The following AAK1 variants were observed in gnomAD, a reference collection of about 807,000 sequenced individuals.
The protein encoded by AAK1 is AP2-associated protein kinase 1.
AAK1 carries 37 observed loss-of-function variants against 116.0 expected under a neutral mutation model. The observed-to-expected ratio is 0.32, with a 90% CI of 0.25 to 0.42. AAK1 has a LOEUF of 0.42. Ranked by LOEUF, AAK1 falls within the 10% of genes least tolerant of loss-of-function variation. The pLI, the probability that AAK1 is intolerant of heterozygous loss-of-function variation, is 1.00. For synonymous variants in AAK1, 458 were observed against 439.9 expected, an observed-to-expected ratio of 1.04 and a Z score of -0.51; for missense variants, 919 against 1,170.6, an observed-to-expected ratio of 0.79 and a Z score of 3.14.
intron 5 of AAK1, among the ~76,000 whole-genome samples, chr2:69,535,461 C>A (rs185211139): frequency 6.6e-5 from 10 of 152,264 alleles, no homozygotes; most frequent in Non-Finnish European, 1.2e-4. Flanking sequence ...GGTCTATCCT[C>A]TCACAGAGCT....
At chr2:69,506,075 A>G (rs1310147206) in intron 15 of AAK1, among the ~76,000 whole-genome samples, 1 of 152,180 alleles carries the variant, frequency 6.6e-6, no homozygotes, top group East Asian at 1.9e-4. Context: ...AGGAGAGCAA[A>G]TGAGAAGAGG....
intron 4 of AAK1, 69 bp downstream of exon 4, chr2:69,544,367 G>T: frequency 2.3e-6 from 3 of 1,278,042 alleles, no homozygotes; most frequent in South Asian, 2.5e-5. Flanking sequence ...TAAGTGAAAT[G>T]ACCACCCTAA....
At chr2:69,494,941 G>A (rs1256074191) in intron 17 of AAK1, among the ~76,000 whole-genome samples, 1 of 152,158 alleles carries the variant, frequency 6.6e-6, no homozygotes, top group Non-Finnish European at 1.5e-5. Context: ...TAGTGATGGT[G>A]GGCAGACTTG....
chr2:69,572,595 G>C (rs1672131431), intron 2 of AAK1, among the ~76,000 whole-genome samples: 1 of 147,504 alleles, frequency 6.8e-6, no homozygotes, highest in African/African-American at 2.5e-5. Flanking sequence ...CTCCAGCCTG[G>C]GCAACAAAAA....
At chr2:69,628,766 A>G (rs13021618) in intron 2 of AAK1, among the ~76,000 whole-genome samples, 2 of 152,324 alleles carry the variant, frequency 1.3e-5, no homozygotes, top group South Asian at 4.1e-4. Context: ...TTTTTCAAGG[A>G]AATTCTCATC....
At chr2:69,524,789 T>C (rs1311486199) in intron 10 of AAK1, among the ~76,000 whole-genome samples, 3 of 152,204 alleles carry the variant, frequency 2.0e-5, no homozygotes, top group African/African-American at 4.8e-5. Flanking sequence ...CCTGAGCCTA[T>C]TCCCATGCAA....
At chr2:69,615,824 A>C (rs530138021) in intron 2 of AAK1, among the ~76,000 whole-genome samples, 1 of 152,386 alleles carries the variant, frequency 6.6e-6, no homozygotes, top group African/African-American at 2.4e-5. Context: ...TGTTTTGTTC[A>C]TCATAATTTA....
Position 69,519,305 on chromosome 2 carries a change from T to C in AAK1, c.1211-65A>G, listed in dbSNP as rs1183067328. The C allele has an allele frequency of 1.3e-5, 19 of 1,466,846 alleles. No individual in the cohort carries two copies. The Admixed American group carries it at 2.1e-4, about 16-fold the overall frequency. 90.9% of individuals were successfully genotyped at this position (1,466,846 alleles called of 1,614,324 possible). A position where few individuals can be genotyped will look rare whatever the true frequency, so the allele number is the denominator to read the frequency against. On this transcript the variant is annotated intron_variant, in intron 11 of 21. Transcript: ENST00000409085. Reference sequence around the variant, plus strand: ...TTCCACACAAAAATGGCTTTCTGTCTTGCCAAAACAACTAATAGGGGGTGA... The same window carrying C: ...TTCCACACAAAAATGGCTTTCTGTCCTGCCAAAACAACTAATAGGGGGTGA...
chr2:69,475,275 G>T lies in AAK1; in HGVS notation c.*594C>A. 1 of 985,930 alleles carries T rather than the reference G, an allele frequency of 1.0e-6. No individual in the cohort carries two copies. The allele number at this position is 985,930 out of a possible 1,614,324, so 61.1% of individuals were successfully genotyped here. Reference sequence around the variant, plus strand: ...AAACAAGGTCAAAGTTGGTTGGCTAGAGCTGGGCTCAATTTCTCTTCTCAA... The same window carrying T: ...AAACAAGGTCAAAGTTGGTTGGCTATAGCTGGGCTCAATTTCTCTTCTCAA... On this transcript the variant is annotated 3_prime_UTR_variant, in exon 22 of 22. Coordinates refer to ENST00000409085, the MANE Select transcript of AAK1 (RefSeq NM_014911.5).
Position 69,574,377 on chromosome 2 carries a change from CAAAAAA to C in AAK1, c.164-17405_164-17400del, listed in dbSNP as rs58486434. On this transcript the variant is annotated intron_variant, in intron 2 of 21. Transcript: ENST00000409085. ...TAGGTGACAGAGTAAGACTCCCTCT[CAAAAAA>C]AAAAAAAAAAAAAAAAGAGAAGAGA... 8.0e-5 allele frequency among the ~76,000 whole-genome samples: 6 copies of C among 74,894 alleles called. No individual in the cohort carries two copies. In the East Asian group the frequency reaches 1.5e-3, roughly 18 times the overall value. 49.1% of individuals were successfully genotyped at this position (74,894 alleles called of 152,430 possible). A position where few individuals can be genotyped will look rare whatever the true frequency, so the allele number is the denominator to read the frequency against.
Position 69,576,412 on chromosome 2 carries a change from G to C in AAK1, c.164-19434C>G, listed in dbSNP as rs375457044. Among the ~76,000 whole-genome samples, 46 of 151,948 alleles carry C rather than the reference G, an allele frequency of 3.0e-4. No individual in the cohort carries two copies. The South Asian group carries it at 9.6e-3, about 32-fold the overall frequency. On this transcript the variant is annotated intron_variant, in intron 2 of 21. Transcript: ENST00000409085. ...TTATGTAGGTAAACTCGTGTCACGG[G>C]GGTTTGTTGTACAGATCATTTCATC...
At chr2:69,544,027 G>A (rs963796255) in intron 4 of AAK1, among the ~76,000 whole-genome samples, 61 of 152,104 alleles carry the variant, frequency 4.0e-4, no homozygotes, top group Admixed American at 2.7e-3. Flanking sequence ...CTTTTACCCC[G>A]TAACACATGA....
At position 69,643,227 on chromosome 2, in the gene AAK1, G is replaced by T; in HGVS notation, c.-187C>A. ...CTATAGGAATATGCGTGTCAATCGC[G>T]CAGCGGGTCCCCTCCTCCTCCAGAA... On this transcript the variant is annotated 5_prime_UTR_variant, in exon 2 of 22. Coordinates refer to ENST00000409085, the MANE Select transcript of AAK1 (RefSeq NM_014911.5). 2 of 1,408,462 alleles carry T rather than the reference G, an allele frequency of 1.4e-6. No homozygotes were observed. The highest frequency in any genetic ancestry group is 1.8e-6 in the Non-Finnish European group (2 of 1,088,694). 87.2% of individuals were successfully genotyped at this position (1,408,462 alleles called of 1,614,324 possible). A position where few individuals can be genotyped will look rare whatever the true frequency, so the allele number is the denominator to read the frequency against.
At chr2:69,595,145 C>T (rs1673214082) in intron 2 of AAK1, 2 of 461,912 alleles carry the variant, frequency 4.3e-6, no homozygotes, top group Non-Finnish European at 4.2e-6. Flanking sequence ...TGGAGTTTCA[C>T]TCTGTTGCCC....
chr2:69,491,849 A>C (rs1675535683), intron 17 of AAK1, among the ~76,000 whole-genome samples: 2 of 152,248 alleles, frequency 1.3e-5, no homozygotes, highest in Non-Finnish European at 2.9e-5. Flanking sequence ...ACAATCACCT[A>C]GCCACTAATG....
At chr2:69,490,778 C>G (rs907963134) in intron 17 of AAK1, among the ~76,000 whole-genome samples, 1 of 152,070 alleles carries the variant, frequency 6.6e-6, no homozygotes, top group Non-Finnish European at 1.5e-5. Context: ...CTTAATGCCA[C>G]TGAACTGTAC....
chr2:69,489,365 T>C (rs1483976562), intron 17 of AAK1, among the ~76,000 whole-genome samples: 1 of 150,394 alleles, frequency 6.6e-6, no homozygotes. Context: ...GCAGGAGAAT[T>C]GCTTGAAGCC....
chr2:69,484,031 A>T (rs954328289), intron 17 of AAK1, among the ~76,000 whole-genome samples: 1 of 152,262 alleles, frequency 6.6e-6, no homozygotes, highest in African/African-American at 2.4e-5. Flanking sequence ...TTTCCTGTTA[A>T]GAGGAGACTT....
At chr2:69,619,268 G>A (rs983595813) in intron 2 of AAK1, among the ~76,000 whole-genome samples, 10 of 151,926 alleles carry the variant, frequency 6.6e-5, no homozygotes, top group Admixed American at 1.3e-4. Context: ...CACTATCCTC[G>A]GCAGACAACC....
Sources: allele counts gnomAD v4.1 joint callset (sites outside exome capture counted in the v4.1 genomes callset), GRCh38; gene constraint gnomAD v4.1.1; transcripts MANE v1.5; gene names NCBI Gene and HGNC (gene_info 2026-07-23, HGNC 2026-07-21).